The following SEL1L3 variants were observed in gnomAD, a reference collection of about 807,000 sequenced individuals.
The protein encoded by SEL1L3 is protein sel-1 homolog 3.
A neutral mutation model predicts 142.8 loss-of-function variants in SEL1L3; 76 were observed. The ratio of observed to expected loss-of-function variants is 0.53; its 90% CI spans 0.44 to 0.64. The LOEUF is 0.64. Ranked by LOEUF, SEL1L3 falls within the 30% of genes least tolerant of loss-of-function variation. The probability of loss-of-function intolerance (pLI) is 0.00; values close to 1 mark genes in which losing one functional copy is unlikely to be tolerated. For synonymous variants in SEL1L3, 504 were observed against 519.6 expected, an observed-to-expected ratio of 0.97 and a Z score of 0.41; for missense variants, 1,262 against 1,381.7, an observed-to-expected ratio of 0.91 and a Z score of 1.37.
At chr4:25,750,085 T>C (rs1291962705) in intron 23 of SEL1L3, among the ~76,000 whole-genome samples, 1 of 151,550 alleles carries the variant, frequency 6.6e-6, no homozygotes, top group Non-Finnish European at 1.5e-5. Flanking sequence ...AATACAAAAA[T>C]TAGCCGGGCG....
chr4:25,713,999 G>A, the SEL1L3 span, among the ~76,000 whole-genome samples: 9 of 152,004 alleles, frequency 5.9e-5, no homozygotes, highest in African/African-American at 4.8e-5. Flanking sequence ...TTTCCCACAC[G>A]TGAACCACCA....
intron 9 of SEL1L3, among the ~76,000 whole-genome samples, chr4:25,811,616 T>C (rs1035986950): frequency 5.9e-5 from 9 of 152,168 alleles, no homozygotes; most frequent in African/African-American, 1.7e-4. Flanking sequence ...ACTTATTCAT[T>C]TGGGCTGCCG....
chr4:25,842,171 C>T (rs184959921), intron 2 of SEL1L3, among the ~76,000 whole-genome samples: 348 of 151,480 alleles, frequency 2.3e-3, no homozygotes, highest in Non-Finnish European at 3.8e-3. Flanking sequence ...AATCATGATA[C>T]GTGTCATAGG....
At chr4:25,784,405 T>G (rs1257480786) in intron 13 of SEL1L3, 115 bp from the exon 14 acceptor site, 1 of 811,444 alleles carries the variant, frequency 1.2e-6, no homozygotes, top group African/African-American at 1.7e-5. Context: ...CTTTCTTCAT[T>G]TAAACCCAAG....
intron 13 of SEL1L3, among the ~76,000 whole-genome samples, chr4:25,785,322 G>A (rs1185724807): frequency 6.6e-6 from 1 of 152,208 alleles, no homozygotes; most frequent in East Asian, 1.9e-4. Flanking sequence ...CTGAGGTGCT[G>A]CTGTTATTCT....
intron 23 of SEL1L3, chr4:25,756,026 A>G (rs1717933661): frequency 2.0e-6 from 2 of 985,324 alleles, no homozygotes; most frequent in Non-Finnish European, 2.4e-6. Context: ...CTCCTCAGGT[A>G]AATCAGAGAG....
chr4:25,835,363 A>T, intron 2 of SEL1L3, 40 bp from the exon 3 acceptor site: 1 of 1,606,640 alleles, frequency 6.2e-7, no homozygotes. Context: ...TTATATCCAG[A>T]AAAACATTCC....
chr4:25,716,471 C>T, the SEL1L3 span, among the ~76,000 whole-genome samples: 1 of 152,074 alleles, frequency 6.6e-6, no homozygotes, highest in African/African-American at 2.4e-5. Flanking sequence ...AATATGCATG[C>T]CCTTTGACAC....
At chr4:25,819,466 T>C (rs1714611601) in intron 8 of SEL1L3, among the ~76,000 whole-genome samples, 1 of 152,262 alleles carries the variant, frequency 6.6e-6, no homozygotes, top group Non-Finnish European at 1.5e-5. Context: ...TAATTTATTT[T>C]CCAGTTCATT....
At chr4:25,771,561 T>C (rs1719200465) in intron 17 of SEL1L3, among the ~76,000 whole-genome samples, 1 of 152,114 alleles carries the variant, frequency 6.6e-6, no homozygotes, top group Non-Finnish European at 1.5e-5. Context: ...GCTCAGACTA[T>C]AAGGATGAAA....
chr4:25,856,326 G>A (rs1221773413), intron 1 of SEL1L3, among the ~76,000 whole-genome samples: 1 of 152,056 alleles, frequency 6.6e-6, no homozygotes, highest in African/African-American at 2.4e-5. Flanking sequence ...TAAATGCACC[G>A]CAACTCTAAG....
chr4:25,792,002 C>T (rs897958032), intron 11 of SEL1L3, among the ~76,000 whole-genome samples: 6 of 151,842 alleles, frequency 4.0e-5, no homozygotes, highest in African/African-American at 1.2e-4. Context: ...CTACTGGCCT[C>T]GTGAAGCCAG....
At chr4:25,808,771 C>CA (rs200633477) in intron 9 of SEL1L3, among the ~76,000 whole-genome samples, 3,125 of 52,216 alleles carry the variant, frequency 0.06, 35 homozygotes, top group Middle Eastern at 0.11. Flanking sequence ...TTTTCTTTTT[C>CA]AAAAAAAGCC....
At chr4:25,791,839 G>A (rs1292157831) in intron 11 of SEL1L3, among the ~76,000 whole-genome samples, 2 of 151,946 alleles carry the variant, frequency 1.3e-5, no homozygotes, top group African/African-American at 2.4e-5. Context: ...CTTGAACCTG[G>A]GAGGCAGAGT....
chr4:25,863,433 C>T, upstream of SEL1L3: 1 of 700,352 alleles, frequency 1.4e-6, no homozygotes, highest in South Asian at 1.5e-5. Flanking sequence ...CTCCCACCCA[C>T]CCCTTTTGCG....
intron 19 of SEL1L3, among the ~76,000 whole-genome samples, chr4:25,767,180 G>A (rs961953884): frequency 6.6e-6 from 1 of 152,132 alleles, no homozygotes; most frequent in African/African-American, 2.4e-5. Context: ...TGAAATCCCA[G>A]CTACTCGGGC....
chr4:25,838,875 C>T (rs1715997610), intron 2 of SEL1L3, among the ~76,000 whole-genome samples: 1 of 152,216 alleles, frequency 6.6e-6, no homozygotes, highest in South Asian at 2.1e-4. Context: ...ACACAGATCC[C>T]TTGCTTGGGA....
chr4:25,787,061 T>C (rs186094035), intron 13 of SEL1L3, among the ~76,000 whole-genome samples: 29 of 152,324 alleles, frequency 1.9e-4, no homozygotes, highest in African/African-American at 5.5e-4. Flanking sequence ...TTTTCCAAGA[T>C]TGATGAATTG....
At chr4:25,714,500 TTTTCTTTCTTTCTTTCTTTCTTTCTTTC>T in the SEL1L3 span, among the ~76,000 whole-genome samples, 12 of 109,022 alleles carry the variant, frequency 1.1e-4, no homozygotes, top group Non-Finnish European at 1.9e-4. Flanking sequence ...CTTTCTTTCT[TTTTCTTTCTTTCTTTCTTTCTTTCTTTC>T]TTTCTTTCTT....
Sources: allele counts gnomAD v4.1 joint callset (sites outside exome capture counted in the v4.1 genomes callset), GRCh38; gene constraint gnomAD v4.1.1; transcripts MANE v1.5; gene names NCBI Gene and HGNC (gene_info 2026-07-23, HGNC 2026-07-21).